Variants in KIAA0513 observed in about 807,000 individuals in gnomAD.
KIAA0513 encodes uncharacterized protein KIAA0513.
Under a neutral mutation model 56.5 loss-of-function variants are expected in KIAA0513, and 39 were observed. The ratio of observed to expected loss-of-function variants is 0.69; its 90% CI spans 0.53 to 0.90. The LOEUF is 0.90. Ranked by LOEUF, KIAA0513 falls within the 40% of genes least tolerant of loss-of-function variation. The pLI, the probability that KIAA0513 is intolerant of heterozygous loss-of-function variation, is 0.00. For missense variants in KIAA0513, 591 were observed against 535.2 expected (o/e 1.10, Z -1.03); for synonymous variants, 268 against 215.6 (o/e 1.24, Z -2.13).
At chr16:85,032,601 G>T (rs1264172365) in intron 1 of KIAA0513, among the ~76,000 whole-genome samples, 1 of 152,046 alleles carries the variant, frequency 6.6e-6, no homozygotes, top group African/African-American at 2.4e-5. Context: ...TCAAGTGGTG[G>T]GATGACCTCC....
intron 1 of KIAA0513, among the ~76,000 whole-genome samples, chr16:85,054,326 A>C (rs1160808910): frequency 6.6e-6 from 1 of 152,214 alleles, no homozygotes; most frequent in Non-Finnish European, 1.5e-5. Flanking sequence ...AATTGGTTAA[A>C]ATACTTCGAA....
At chr16:85,066,567 G>C (rs927411706) in intron 1 of KIAA0513, among the ~76,000 whole-genome samples, 4 of 152,172 alleles carry the variant, frequency 2.6e-5, no homozygotes, top group African/African-American at 9.7e-5. Context: ...ATTGTCCCTG[G>C]TGATCCTCCG....
chr16:85,064,692 T>C (rs34776453), intron 1 of KIAA0513, among the ~76,000 whole-genome samples: 10,167 of 152,318 alleles, frequency 0.067, 365 homozygotes, highest in Middle Eastern at 0.088. Flanking sequence ...ATTGTATTTC[T>C]TTTTTCTTTT....
chr16:85,048,281 G>C (rs542851073), intron 1 of KIAA0513, among the ~76,000 whole-genome samples: 14 of 152,126 alleles, frequency 9.2e-5, no homozygotes, highest in African/African-American at 1.4e-4. Context: ...TGAGACAAAG[G>C]CTTCGACCGT....
chr16:85,084,055 AAT>A (rs2073779100), intron 10 of KIAA0513, among the ~76,000 whole-genome samples: 1 of 110,140 alleles, frequency 9.1e-6, no homozygotes, highest in Non-Finnish European at 1.7e-5. Flanking sequence ...GAACTCTTCT[AAT>A]TTTTTTTTTT....
rs1469280289 is a variant in KIAA0513, at chr16:85,081,857, C to T, written c.980+465C>T. On this transcript the variant is annotated intron_variant, in intron 9 of 12. Coordinates refer to ENST00000683363, the MANE Select transcript of KIAA0513 (RefSeq NM_001388359.1). This position sits in a 1 kb window ranked among gnomAD's most constrained non-coding sequence, Gnocchi z 4.4. ...GGGTCTGCAGCCTGAGCAGACCTTC[C>T]CAGCTTCACCGAGGGCCACCTCGCA... Among the ~76,000 whole-genome samples, 4 of 152,214 alleles carry T rather than the reference C, an allele frequency of 2.6e-5. No homozygotes were observed. The highest frequency in any genetic ancestry group is 4.4e-5 in the Non-Finnish European group (3 of 68,036).
Position 85,065,583 on chromosome 16 carries a change from GT to G in KIAA0513, c.-172-1316del, listed in dbSNP as rs559084390. Among the ~76,000 whole-genome samples the G allele has an allele frequency of 2.6e-5, 4 of 152,324 alleles. No individual in the cohort carries two copies. In the South Asian group the frequency reaches 8.3e-4, roughly 32 times the overall value. On this transcript the variant is annotated intron_variant, in intron 1 of 12. Coordinates refer to ENST00000683363, the MANE Select transcript of KIAA0513 (RefSeq NM_001388359.1). The stretch of plus-strand genomic sequence containing the variant: ...ATTTGGAGGAATCCATCATCAATGG[GT>G]GAGCATTAAGCTCTTAAGAGGCAGA...
chr16:85,048,322 G>A (rs1159224374), intron 1 of KIAA0513, among the ~76,000 whole-genome samples: 1 of 152,214 alleles, frequency 6.6e-6, no homozygotes, highest in Admixed American at 6.5e-5. Context: ...TCCACGGGGA[G>A]TGTCAGAAAG....
intron 1 of KIAA0513, among the ~76,000 whole-genome samples, chr16:85,032,868 G>T (rs760403194): frequency 1.6e-4 from 25 of 152,086 alleles, no homozygotes; most frequent in Non-Finnish European, 4.4e-5. Context: ...CTGACCTCAT[G>T]ATCCGCCTAC....
chr16:85,030,289 A>ACGCAGTT, intron 1 of KIAA0513, among the ~76,000 whole-genome samples: 1 of 152,212 alleles, frequency 6.6e-6, no homozygotes, highest in Non-Finnish European at 1.5e-5. Flanking sequence ...GCAAGAGAGC[A>ACGCAGTT]CGCAGTTCTC....
At chr16:85,030,783 T>C (rs1049158698) in intron 1 of KIAA0513, among the ~76,000 whole-genome samples, 3 of 151,298 alleles carry the variant, frequency 2.0e-5, no homozygotes, top group Non-Finnish European at 4.4e-5. Context: ...CATGGTGTTC[T>C]CATGAGGGAA....
intron 1 of KIAA0513, among the ~76,000 whole-genome samples, chr16:85,039,076 G>A (rs1021898033): frequency 1.1e-4 from 16 of 152,176 alleles, no homozygotes; most frequent in Admixed American, 1.0e-3. Context: ...TCTTTCACCC[G>A]GAGCAATGCC....
intron 8 of KIAA0513, 41 bp downstream of exon 8, chr16:85,079,044 C>T (rs761646476): frequency 3.1e-6 from 5 of 1,613,904 alleles, no homozygotes; most frequent in South Asian, 1.1e-5. Flanking sequence ...CTCTTACTGA[C>T]GGGGCCAGCA....
chr16:85,040,932 C>G (rs990163476), intron 1 of KIAA0513, among the ~76,000 whole-genome samples: 1 of 152,204 alleles, frequency 6.6e-6, no homozygotes, highest in African/African-American at 2.4e-5. Context: ...TCTTTTCGCT[C>G]ACATGCAAGT....
intron 1 of KIAA0513, among the ~76,000 whole-genome samples, chr16:85,054,172 A>G (rs2073294676): frequency 6.6e-6 from 1 of 151,992 alleles, no homozygotes; most frequent in Admixed American, 6.6e-5. Flanking sequence ...ATAAGATTAA[A>G]CACTGCCGTT....
At chr16:85,031,967 T>C (rs908664093) in intron 1 of KIAA0513, among the ~76,000 whole-genome samples, 5 of 152,150 alleles carry the variant, frequency 3.3e-5, no homozygotes, top group Non-Finnish European at 5.9e-5. Context: ...CAGACAGTAA[T>C]GCCAGGTCAC....
At chr16:85,058,262 G>A (rs766533239) in intron 1 of KIAA0513, among the ~76,000 whole-genome samples, 2 of 152,212 alleles carry the variant, frequency 1.3e-5, no homozygotes, top group Non-Finnish European at 2.9e-5. Flanking sequence ...GTATCAGGGA[G>A]CTCTTCTCTT....
intron 1 of KIAA0513, among the ~76,000 whole-genome samples, chr16:85,064,501 A>T (rs2073451046): frequency 6.6e-6 from 1 of 152,184 alleles, no homozygotes; most frequent in Non-Finnish European, 1.5e-5. Context: ...CTTTTGAAGT[A>T]TTATCTCTCC....
intron 4 of KIAA0513, among the ~76,000 whole-genome samples, chr16:85,074,149 A>G (rs1002779788): frequency 1.3e-5 from 2 of 151,444 alleles, no homozygotes; most frequent in African/African-American, 4.9e-5. Flanking sequence ...TAATTTTTGT[A>G]TTTTTAGTAG....
Sources: gnomAD v4.1 joint callset for allele counts (sites outside exome capture counted in the v4.1 genomes callset) on GRCh38, gnomAD v4.1.1 for gene constraint, Gnocchi (gnomAD v3.1) non-coding constraint, MANE v1.5 for transcripts, NCBI Gene and HGNC (gene_info 2026-07-23, HGNC 2026-07-21) for gene names.